Variants in NSD3 observed in about 807,000 individuals in gnomAD.
The protein encoded by NSD3 is nuclear receptor binding SET domain protein 3.
A neutral mutation model predicts 160.8 loss-of-function variants in NSD3; 24 were observed. That is an observed-to-expected ratio of 0.15 (90% CI 0.11 to 0.21). The LOEUF is 0.21. Ranked by LOEUF, NSD3 falls within the 10% of genes least tolerant of loss-of-function variation. NSD3 has a pLI of 1.00. For synonymous variants in NSD3, 520 were observed against 600.0 expected (o/e 0.87, Z 1.95); for missense variants, 1,157 against 1,735.9 (o/e 0.67, Z 5.93).
chr8:38,337,520 T>C, intron 3 of NSD3, 53 bp from the exon 4 acceptor site: 1 of 1,409,250 alleles, frequency 7.1e-7, no homozygotes, highest in Non-Finnish European at 9.4e-7. Context: ...AGAAACTATG[T>C]ATAAAGTACA....
chr8:38,315,365 G>C, intron 11 of NSD3, 51 bp downstream of exon 11: 1 of 1,482,892 alleles, frequency 6.7e-7, no homozygotes. Flanking sequence ...TCTATTACTG[G>C]CAGAATATAA....
Position 38,337,444 on chromosome 8 carries a change from A to G in NSD3, c.771T>C (p.Val257=), listed in dbSNP as rs761608024. 145 of 1,604,066 alleles carry G rather than the reference A, an allele frequency of 9.0e-5. No individual in the cohort carries two copies. Among genetic ancestry groups the G allele is most frequent in the Middle Eastern group, 8.3e-4 (5 of 6,058 alleles). The part of the protein sequence containing the change: ...EAPVQPILSS[V]PTTEVSTGVK... ...CACCAGTGGACACTTCCGTTGTTGG[A>G]ACAGAAGATAGTATTGGCTGAACCT... The change falls in exon 4 of 24, where the codon GTT becomes GTC. Residue 257 remains valine (V), a synonymous_variant. Coordinates refer to ENST00000317025, the MANE Select transcript of NSD3 (RefSeq NM_023034.2).
rs201510639 is a variant in NSD3, at chr8:38,337,436, G to A, written c.779C>T (p.Thr260Met). Reference protein sequence around the residue: ...VQPILSSVPTTEVSTGVKFQV... With the variant: ...VQPILSSVPTMEVSTGVKFQV... The stretch of plus-strand genomic sequence containing the variant: ...AAACTTAACACCAGTGGACACTTCC[G>A]TTGTTGGAACAGAAGATAGTATTGG... The change falls in exon 4 of 24, where the codon ACG becomes ATG. Residue 260 changes from threonine (T) to methionine (M), a missense_variant. Physicochemically the swap from Thr to Met is moderately conservative, Grantham distance 81. Coordinates refer to ENST00000317025, the MANE Select transcript of NSD3 (RefSeq NM_023034.2). The A allele has an allele frequency of 1.0e-5, 16 of 1,607,658 alleles. No homozygotes were observed. Among genetic ancestry groups the A allele is most frequent in the Admixed American group, 3.4e-5 (2 of 58,686 alleles).
chr8:38,293,543 T>C (rs1371609904), intron 16 of NSD3, among the ~76,000 whole-genome samples: 1 of 151,684 alleles, frequency 6.6e-6, no homozygotes, highest in Non-Finnish European at 1.5e-5. Context: ...AGCGAGACCC[T>C]GTCTCAAAAA....
chr8:38,314,556 G>A (rs1809611573), intron 12 of NSD3, 91 bp downstream of exon 12: 1 of 1,506,454 alleles, frequency 6.6e-7, no homozygotes. Context: ...TAAAAGTGAT[G>A]GGAACAAGAT....
At chr8:38,333,694 C>G (rs1049952529) in intron 4 of NSD3, among the ~76,000 whole-genome samples, 6 of 151,188 alleles carry the variant, frequency 4.0e-5, no homozygotes, top group African/African-American at 1.5e-4. Context: ...GGTGAAACCC[C>G]GTCTCTACTA....
intron 5 of NSD3, among the ~76,000 whole-genome samples, 156 bp downstream of exon 5, chr8:38,331,275 A>G (rs943929296): frequency 3.3e-5 from 5 of 152,208 alleles, no homozygotes; most frequent in African/African-American, 1.2e-4. Context: ...GTGTACTTAC[A>G]AACTTACTAG....
At chr8:38,360,896 T>C (rs1235383042) in intron 1 of NSD3, among the ~76,000 whole-genome samples, 1 of 152,256 alleles carries the variant, frequency 6.6e-6, no homozygotes, top group African/African-American at 2.4e-5. Context: ...TCTAGCTCCA[T>C]CTATATATAA....
Position 38,326,718 on chromosome 8 carries a change from A to G in NSD3, c.1708+12T>C. 6.2e-7 allele frequency: 1 copy of G among 1,611,758 alleles called. No individual in the cohort carries two copies. The highest frequency in any genetic ancestry group is 8.5e-7 in the Non-Finnish European group (1 of 1,179,072). ...CAAAATGGACCTATATATACTTTTCATTCATACCAACCTGTAGAACCAGAT... is the reference window on the plus strand; with the variant it reads ...CAAAATGGACCTATATATACTTTTCGTTCATACCAACCTGTAGAACCAGAT... On this transcript the variant is annotated intron_variant, in intron 7 of 23. Transcript: ENST00000317025.
intron 12 of NSD3, among the ~76,000 whole-genome samples, chr8:38,313,341 G>C (rs548280829): frequency 1.3e-5 from 2 of 152,206 alleles, no homozygotes; most frequent in African/African-American, 4.8e-5. Context: ...AGCTGCCTGG[G>C]TTTAAATCAC....
intron 7 of NSD3, among the ~76,000 whole-genome samples, chr8:38,323,256 A>G (rs1809833639): frequency 6.6e-6 from 1 of 151,652 alleles, no homozygotes. Context: ...ACAGGGTTTC[A>G]CCATGTTGGC....
chr8:38,358,389 G>A lies in NSD3; in HGVS notation c.-44-10174C>T, dbSNP rs565567313. ...ATCCAGATGTTTCTTTATATGAACT[G>A]TTGCAAGGAATATTTCTCAAGGTTT... On this transcript the variant is annotated intron_variant, in intron 1 of 23. Coordinates refer to ENST00000317025, the MANE Select transcript of NSD3 (RefSeq NM_023034.2). 5.9e-5 allele frequency among the ~76,000 whole-genome samples: 9 copies of A among 152,224 alleles called. No individual in the cohort carries two copies. The South Asian group carries it at 1.7e-3, about 28-fold the overall frequency.
intron 19 of NSD3, among the ~76,000 whole-genome samples, chr8:38,284,575 T>C (rs1808814211): frequency 6.6e-6 from 1 of 152,172 alleles, no homozygotes. Context: ...TTAGTAGAGA[T>C]GGGGTTTCAC....
intron 7 of NSD3, among the ~76,000 whole-genome samples, chr8:38,322,398 C>T (rs925686048): frequency 3.9e-5 from 6 of 152,098 alleles, no homozygotes; most frequent in African/African-American, 1.2e-4. Context: ...ACTAAGACAG[C>T]AGATATGCTA....
At chr8:38,330,871 G>C (rs1480372408) in intron 5 of NSD3, among the ~76,000 whole-genome samples, 1 of 151,512 alleles carries the variant, frequency 6.6e-6, no homozygotes, top group Admixed American at 6.6e-5. Flanking sequence ...GTGTGATCTC[G>C]GTTGAACCAG....
chr8:38,293,039 G>A (rs1038967645), intron 16 of NSD3, among the ~76,000 whole-genome samples: 3 of 151,188 alleles, frequency 2.0e-5, no homozygotes, highest in African/African-American at 4.9e-5. Context: ...TTGGGAGGCT[G>A]AGGCAACAGA....
chr8:38,363,443 G>C (rs1365300544), intron 1 of NSD3, among the ~76,000 whole-genome samples: 1 of 152,028 alleles, frequency 6.6e-6, no homozygotes, highest in Admixed American at 6.6e-5. Context: ...AGGACTTCGA[G>C]AGCAGCCTGG....
At chr8:38,346,358 T>C (rs1810531388) in intron 2 of NSD3, among the ~76,000 whole-genome samples, 1 of 147,220 alleles carries the variant, frequency 6.8e-6, no homozygotes, top group South Asian at 2.1e-4. Flanking sequence ...ATATATAGTA[T>C]ATGTATATAT....
intron 1 of NSD3, among the ~76,000 whole-genome samples, chr8:38,370,751 A>T (rs75379101): frequency 0.02 from 3,065 of 152,278 alleles, 58 homozygotes; most frequent in Middle Eastern, 0.034. Context: ...CCGTCAACAT[A>T]CTAAAAGCCA....
Sources: allele counts gnomAD v4.1 joint callset (sites outside exome capture counted in the v4.1 genomes callset), GRCh38; gene constraint gnomAD v4.1.1; transcripts MANE v1.5; gene names NCBI Gene and HGNC (gene_info 2026-07-23, HGNC 2026-07-21).